FUT9: variants seen among roughly 807,000 people sequenced by gnomAD.
FUT9 encodes fucosyltransferase 9.
Under a neutral mutation model 29.7 loss-of-function variants are expected in FUT9, and 15 were observed. That is an observed-to-expected ratio of 0.51 (90% confidence interval 0.34 to 0.78). FUT9 has a LOEUF of 0.78. Ranked by LOEUF, FUT9 falls within the 30% of genes least tolerant of loss-of-function variation. The pLI is 0.01. For synonymous variants in FUT9, 169 were observed against 153.7 expected (o/e 1.10, Z -0.74); for missense variants, 319 against 425.4 (o/e 0.75, Z 2.20).
chr6:96,047,540 T>C (rs1301821588), intron 1 of FUT9, among the ~76,000 whole-genome samples: 1 of 152,194 alleles, frequency 6.6e-6, no homozygotes, highest in Admixed American at 6.5e-5. Context: ...ATTTTGGTTT[T>C]GTTCCTGAGA....
At chr6:96,132,580 G>A (rs760276205) in intron 2 of FUT9, among the ~76,000 whole-genome samples, 18 of 151,944 alleles carry the variant, frequency 1.2e-4, no homozygotes, top group Non-Finnish European at 2.2e-4. Flanking sequence ...AAAGAGAAAG[G>A]GCGACAATTT....
chr6:96,065,258 G>T (rs535603381), intron 1 of FUT9, among the ~76,000 whole-genome samples: 1 of 152,052 alleles, frequency 6.6e-6, no homozygotes, highest in East Asian at 1.9e-4. Context: ...AGTCAAGGTC[G>T]AACTAATAAA....
At chr6:96,074,163 CA>C (rs767632474) in intron 1 of FUT9, among the ~76,000 whole-genome samples, 1 of 152,046 alleles carries the variant, frequency 6.6e-6, no homozygotes, top group Non-Finnish European at 1.5e-5. Flanking sequence ...TGTACTGCAC[CA>C]AACAATATCC....
At chr6:96,105,584 C>G (rs1294708479) in intron 1 of FUT9, among the ~76,000 whole-genome samples, 1 of 151,986 alleles carries the variant, frequency 6.6e-6, no homozygotes, top group African/African-American at 2.4e-5. Flanking sequence ...TTCCCAAGAG[C>G]CTTTTGTCTA....
intron 1 of FUT9, among the ~76,000 whole-genome samples, chr6:96,079,787 C>T (rs890909705): frequency 7.9e-5 from 12 of 152,088 alleles, no homozygotes; most frequent in African/African-American, 2.9e-4. Context: ...AATAAGAACT[C>T]TACTACAATG....
At chr6:96,036,765 A>G (rs983155442) in intron 1 of FUT9, 1 of 151,926 alleles carries the variant, frequency 6.6e-6, no homozygotes, top group Non-Finnish European at 1.5e-5. Context: ...AAGAAAAGGA[A>G]AGCACCTCCA....
chr6:96,128,596 A>G (rs1046362898), intron 2 of FUT9, among the ~76,000 whole-genome samples: 15 of 152,288 alleles, frequency 9.8e-5, no homozygotes, highest in African/African-American at 3.6e-4. Context: ...AAAAACATAT[A>G]TTGTTTGACC....
chr6:96,143,592 C>G (rs904615756), intron 2 of FUT9, among the ~76,000 whole-genome samples: 3 of 151,782 alleles, frequency 2.0e-5, no homozygotes, highest in Non-Finnish European at 2.9e-5. Context: ...TTTAATATAC[C>G]CTTTCCCCAT....
At chr6:96,055,077 T>C (rs894669628) in intron 1 of FUT9, among the ~76,000 whole-genome samples, 1 of 152,156 alleles carries the variant, frequency 6.6e-6, no homozygotes, top group African/African-American at 2.4e-5. Context: ...TACGAAGATA[T>C]TGTTTAATAT....
At chr6:96,031,426 G>A (rs1355413086) in intron 1 of FUT9, among the ~76,000 whole-genome samples, 1 of 151,448 alleles carries the variant, frequency 6.6e-6, no homozygotes, top group Non-Finnish European at 1.5e-5. Flanking sequence ...AGGTTGCATG[G>A]TTTGCTGGTG....
rs144263672 is a variant in FUT9 at position 96,159,043 on chromosome 6, A to G, written c.-8-44105A>G. Among the ~76,000 whole-genome samples, 493 of 152,338 alleles carry G rather than the reference A, an allele frequency of 3.2e-3. 3 individuals are homozygous for G. The highest frequency in any genetic ancestry group is 0.011 in the African/African-American group (466 of 41,586). On this transcript the variant is annotated intron_variant, in intron 2 of 2. Transcript: ENST00000302103. ...TAAAAGTCATCACTGTTGAGGCCTTATCTAATTATCTTTTCTAATAATGCT... is the reference window on the plus strand; with the variant it reads ...TAAAAGTCATCACTGTTGAGGCCTTGTCTAATTATCTTTTCTAATAATGCT...
At chr6:96,200,259 C>T (rs926522476) in intron 2 of FUT9, among the ~76,000 whole-genome samples, 5 of 152,142 alleles carry the variant, frequency 3.3e-5, no homozygotes, top group African/African-American at 1.2e-4. Flanking sequence ...AAATTCAACT[C>T]ATCGTTAAAT....
At chr6:96,174,499 C>T (rs895254499) in intron 2 of FUT9, among the ~76,000 whole-genome samples, 7 of 152,072 alleles carry the variant, frequency 4.6e-5, no homozygotes, top group African/African-American at 1.7e-4. Context: ...TTGGCACAGT[C>T]ATCTTTCACC....
At chr6:96,033,145 A>G (rs150795868) in intron 1 of FUT9, among the ~76,000 whole-genome samples, 16 of 151,854 alleles carry the variant, frequency 1.1e-4, no homozygotes, top group African/African-American at 3.6e-4. Flanking sequence ...GGAAGCGTAA[A>G]AGCAAACCAC....
At chr6:96,087,653 C>T (rs764809484) in intron 1 of FUT9, among the ~76,000 whole-genome samples, 1 of 152,126 alleles carries the variant, frequency 6.6e-6, no homozygotes, top group Non-Finnish European at 1.5e-5. Context: ...GCGTGAGCCA[C>T]CACGTCCGGC....
At chr6:96,081,039 GA>G (rs1473024525) in intron 1 of FUT9, among the ~76,000 whole-genome samples, 1 of 151,760 alleles carries the variant, frequency 6.6e-6, no homozygotes, top group African/African-American at 2.4e-5. Context: ...AAAATTGTTT[GA>G]AATCTGTCTA....
chr6:96,196,001 T>C (rs908109729), intron 2 of FUT9, among the ~76,000 whole-genome samples: 5 of 152,154 alleles, frequency 3.3e-5, no homozygotes, highest in African/African-American at 7.2e-5. Context: ...TTACATATAG[T>C]GTTGTTGTGG....
At chr6:96,075,384 T>C (rs781124548) in intron 1 of FUT9, among the ~76,000 whole-genome samples, 1 of 152,146 alleles carries the variant, frequency 6.6e-6, no homozygotes, top group Non-Finnish European at 1.5e-5. Flanking sequence ...GAATCCTAAA[T>C]TTTAATTTTG....
intron 1 of FUT9, among the ~76,000 whole-genome samples, chr6:96,071,669 AAGAC>A (rs2127947621): frequency 6.6e-6 from 1 of 152,316 alleles, no homozygotes; most frequent in South Asian, 2.1e-4. Context: ...ACAAAGGAGC[AAGAC>A]TCACGGCATT....
Sources: gnomAD v4.1 joint callset for allele counts (sites outside exome capture counted in the v4.1 genomes callset) on GRCh38, gnomAD v4.1.1 for gene constraint, MANE v1.5 for transcripts, NCBI Gene and HGNC (gene_info 2026-07-23, HGNC 2026-07-21) for gene names.